Variants in CNKSR3 observed in about 807,000 individuals in gnomAD.
The protein encoded by CNKSR3 is connector enhancer of kinase suppressor of ras 3.
A neutral mutation model predicts 67.7 loss-of-function variants in CNKSR3; 36 were observed. That is an observed-to-expected ratio of 0.53 (90% confidence interval 0.41 to 0.70). The LOEUF (loss-of-function observed/expected upper bound fraction) is 0.70, where lower values mean the gene tolerates loss of function less well. CNKSR3 is among the 30% of genes least tolerant of loss of function. The probability of loss-of-function intolerance (pLI) is 0.00; values close to 1 mark genes in which losing one functional copy is unlikely to be tolerated. For synonymous variants in CNKSR3, 281 were observed against 271.4 expected, an observed-to-expected ratio of 1.04 and a Z score of -0.35; for missense variants, 630 against 695.2, an observed-to-expected ratio of 0.91 and a Z score of 1.05.
At chr6:154,485,474 A>G (rs1468220477) in intron 1 of CNKSR3, among the ~76,000 whole-genome samples, 1 of 152,224 alleles carries the variant, frequency 6.6e-6, no homozygotes, top group Non-Finnish European at 1.5e-5. Context: ...TGGCTCAAAG[A>G]TGCCTTACAA....
Position 154,393,592 on chromosome 6 carries a change from C to T in CNKSR3, c.*12762G>A, listed in dbSNP as rs1784630242. 1 of 152,194 alleles carries T rather than the reference C, an allele frequency of 6.6e-6. No homozygotes were observed. The highest frequency in any genetic ancestry group is 1.5e-5 in the Non-Finnish European group (1 of 68,032). The allele number at this position is 152,194 out of a possible 1,614,324, so 9.4% of individuals were successfully genotyped here. A position where few individuals can be genotyped will look rare whatever the true frequency, so the allele number is the denominator to read the frequency against. ...CCCTTAGGACTTTTTAATCTTCTCC[C>T]AATTTGTAACTTTTTAAAAATTTTC... On this transcript the variant is annotated 3_prime_UTR_variant, in exon 13 of 13. Transcript: ENST00000607772.
At chr6:154,418,659 C>G (rs1480956373) in intron 9 of CNKSR3, among the ~76,000 whole-genome samples, 1 of 152,152 alleles carries the variant, frequency 6.6e-6, no homozygotes, top group Non-Finnish European at 1.5e-5. Context: ...GCATCATATT[C>G]TGAGAAATCC....
At chr6:154,423,062 T>C (rs1330451168) in intron 7 of CNKSR3, 79 bp from the exon 8 acceptor site, 5 of 935,818 alleles carry the variant, frequency 5.3e-6, no homozygotes, top group Non-Finnish European at 8.3e-6. Context: ...CTTTCTTCTG[T>C]AGACAATTAG....
intron 1 of CNKSR3, among the ~76,000 whole-genome samples, chr6:154,502,247 A>G (rs999148815): frequency 2.7e-5 from 4 of 150,624 alleles, no homozygotes; most frequent in African/African-American, 9.8e-5. Context: ...GTTGGAGTGC[A>G]GTGGCACGAT....
rs185837305 is a variant in CNKSR3, at chr6:154,409,171, C to T, written c.1369+1172G>A. 5.4e-4 allele frequency among the ~76,000 whole-genome samples: 82 copies of T among 152,238 alleles called. 1 individual carries two copies. Among genetic ancestry groups the T allele is most frequent in the Non-Finnish European group, 9.9e-4 (67 of 68,014 alleles). On this transcript the variant is annotated intron_variant, in intron 12 of 12. Transcript: ENST00000607772. Reference sequence around the variant, plus strand: ...ACTTAGGTGACAAACTTTACCAAGTCCCTAGAAAGGGTCAGGGGTCAATCA... The same window carrying T: ...ACTTAGGTGACAAACTTTACCAAGTTCCTAGAAAGGGTCAGGGGTCAATCA...
intron 1 of CNKSR3, among the ~76,000 whole-genome samples, chr6:154,450,650 C>A (rs1021818003): frequency 6.6e-6 from 1 of 152,198 alleles, no homozygotes; most frequent in Non-Finnish European, 1.5e-5. Flanking sequence ...CCAGTCAAGA[C>A]GCCTTGCCAC....
chr6:154,497,472 T>C (rs538157012), intron 1 of CNKSR3, among the ~76,000 whole-genome samples: 5 of 152,316 alleles, frequency 3.3e-5, no homozygotes, highest in African/African-American at 1.2e-4. Context: ...AATTGCCAGC[T>C]TCCGGACACG....
chr6:154,444,107 AC>A (rs1214670325), intron 2 of CNKSR3, among the ~76,000 whole-genome samples: 8 of 152,220 alleles, frequency 5.3e-5, no homozygotes, highest in African/African-American at 1.7e-4. Flanking sequence ...TTTTAAAAAA[AC>A]ATGACGATAT....
chr6:154,484,912 C>T (rs1345853776), intron 1 of CNKSR3, among the ~76,000 whole-genome samples: 2 of 152,128 alleles, frequency 1.3e-5, no homozygotes, highest in Non-Finnish European at 2.9e-5. Context: ...CTTGAATAGC[C>T]ACACAGGTCT....
At chr6:154,489,304 G>A (rs538216225) in intron 1 of CNKSR3, among the ~76,000 whole-genome samples, 1 of 152,316 alleles carries the variant, frequency 6.6e-6, no homozygotes, top group East Asian at 1.9e-4. Flanking sequence ...GCCAAGGTGG[G>A]CAGATCACTT....
chr6:154,482,585 C>T (rs1198770220), intron 1 of CNKSR3, among the ~76,000 whole-genome samples: 2 of 152,154 alleles, frequency 1.3e-5, no homozygotes, highest in African/African-American at 4.8e-5. Flanking sequence ...GGAACAGATT[C>T]AAACTGTGCA....
intron 7 of CNKSR3, among the ~76,000 whole-genome samples, chr6:154,424,691 C>T (rs1785219296): frequency 6.6e-6 from 1 of 152,190 alleles, no homozygotes; most frequent in South Asian, 2.1e-4. Flanking sequence ...AACATTTAAC[C>T]TGCTACCGTA....
At position 154,510,122 on chromosome 6, in the gene CNKSR3, C is replaced by G. The variant is rs756491167; in HGVS notation, c.-8G>C. The G allele has an allele frequency of 5.6e-6, 9 of 1,614,028 alleles. No homozygotes were observed. Among genetic ancestry groups the G allele is most frequent in the African/African-American group, 1.3e-5 (1 of 74,946 alleles). ...CTTGGTCACGGGTTCCATGGTAAAC[C>G]GCTTCGCCTCTCGCTGGGCTGGAGA... On this transcript the variant is annotated 5_prime_UTR_variant, in exon 1 of 13. Coordinates refer to ENST00000607772, the MANE Select transcript of CNKSR3 (RefSeq NM_173515.4).
intron 5 of CNKSR3, among the ~76,000 whole-genome samples, chr6:154,430,952 TAAA>T (rs1259050211): frequency 7.4e-6 from 1 of 134,290 alleles, no homozygotes. Context: ...ATTGACAAGG[TAAA>T]AAAAAAAAAA....
chr6:154,406,197 C>A lies in CNKSR3; in HGVS notation c.*157G>T. 2 of 692,364 alleles carry A rather than the reference C, an allele frequency of 2.9e-6. No individual in the cohort carries two copies. The highest frequency in any genetic ancestry group is 4.8e-6 in the Non-Finnish European group (2 of 419,440). 42.9% of individuals were successfully genotyped at this position (692,364 alleles called of 1,614,324 possible). A position where few individuals can be genotyped will look rare whatever the true frequency, so the allele number is the denominator to read the frequency against. On this transcript the variant is annotated 3_prime_UTR_variant, in exon 13 of 13. Coordinates refer to ENST00000607772, the MANE Select transcript of CNKSR3 (RefSeq NM_173515.4). ...CTGAATTTGTTCCCATCCAATCCTGCAAACTTCCAAGAAGGGCAGTAGATA... is the reference window on the plus strand; with the variant it reads ...CTGAATTTGTTCCCATCCAATCCTGAAAACTTCCAAGAAGGGCAGTAGATA...
intron 12 of CNKSR3, among the ~76,000 whole-genome samples, chr6:154,408,660 A>C (rs531076481): frequency 6.6e-6 from 1 of 152,338 alleles, no homozygotes; most frequent in South Asian, 2.1e-4. Flanking sequence ...TAAAAGGCAC[A>C]AGGTTTCTTT....
Position 154,497,768 on chromosome 6 carries a change from G to T in CNKSR3, c.52+12295C>A, listed in dbSNP as rs1786907866. On this transcript the variant is annotated intron_variant, in intron 1 of 12. Transcript: ENST00000607772. ...CTGTGTTTAAGAAGTTTTGTGAATT[G>T]TGTTTTGGGGTGAGTGCCATTCTGG... is the stretch of plus-strand genomic sequence containing the variant. Among the ~76,000 whole-genome samples the T allele has an allele frequency of 2.6e-5, 4 of 151,886 alleles. No individual in the cohort carries two copies. The South Asian group carries it at 8.3e-4, about 31-fold the overall frequency.
chr6:154,490,142 T>C (rs1485123360), intron 1 of CNKSR3, among the ~76,000 whole-genome samples: 1 of 152,178 alleles, frequency 6.6e-6, no homozygotes, highest in Non-Finnish European at 1.5e-5. Context: ...TAAAGTCAGC[T>C]CAGTTTTACA....
chr6:154,412,013 T>C (rs1017870345), intron 10 of CNKSR3, among the ~76,000 whole-genome samples: 1 of 152,240 alleles, frequency 6.6e-6, no homozygotes. Flanking sequence ...CAGTTTAAAC[T>C]GTAGGATTAA....
Sources: allele counts gnomAD v4.1 joint callset (sites outside exome capture counted in the v4.1 genomes callset), GRCh38; gene constraint gnomAD v4.1.1; transcripts MANE v1.5; gene names NCBI Gene and HGNC (gene_info 2026-07-23, HGNC 2026-07-21).